The following ZMAT4 variants were observed in gnomAD, a reference collection of about 807,000 sequenced individuals.
ZMAT4 encodes zinc finger matrin-type protein 4.
In ZMAT4, 17 loss-of-function variants were observed where a neutral mutation model predicts 28.7. The ratio of observed to expected loss-of-function variants is 0.59; its 90% CI spans 0.41 to 0.89. ZMAT4 has a LOEUF of 0.89. Ranked by LOEUF, ZMAT4 falls within the 40% of genes least tolerant of loss-of-function variation. ZMAT4 has a pLI of 0.00. For synonymous variants in ZMAT4, 117 were observed against 109.2 expected (o/e 1.07, Z -0.44); for missense variants, 240 against 283.8 (o/e 0.85, Z 1.11).
chr8:40,861,673 G>T (rs973720068), intron 1 of ZMAT4, among the ~76,000 whole-genome samples: 4 of 152,144 alleles, frequency 2.6e-5, no homozygotes, highest in Non-Finnish European at 4.4e-5. Context: ...CTACTCATCT[G>T]ACAAAGAGCT....
At chr8:40,828,575 A>G (rs1379754063) in intron 1 of ZMAT4, among the ~76,000 whole-genome samples, 2 of 152,244 alleles carry the variant, frequency 1.3e-5, no homozygotes, top group Admixed American at 6.5e-5. Flanking sequence ...ATTCAAGGGA[A>G]GAGAAAATAT....
chr8:40,831,255 C>G (rs1235471728), intron 1 of ZMAT4, among the ~76,000 whole-genome samples: 1 of 152,204 alleles, frequency 6.6e-6, no homozygotes, highest in East Asian at 1.9e-4. Flanking sequence ...AGACCCCGTA[C>G]TGCATAAACA....
chr8:40,645,800 G>C (rs1295420672), intron 5 of ZMAT4, among the ~76,000 whole-genome samples: 1 of 151,920 alleles, frequency 6.6e-6, no homozygotes. Context: ...AATTATCTTT[G>C]AATAAACTTA....
At chr8:40,861,991 C>A (rs1232192233) in intron 1 of ZMAT4, among the ~76,000 whole-genome samples, 2 of 152,142 alleles carry the variant, frequency 1.3e-5, no homozygotes, top group Non-Finnish European at 2.9e-5. Context: ...ACTAGTTCAA[C>A]CATTGTGGAA....
At chr8:40,793,943 T>C (rs1207664940) in intron 2 of ZMAT4, among the ~76,000 whole-genome samples, 2 of 152,206 alleles carry the variant, frequency 1.3e-5, no homozygotes, top group East Asian at 1.9e-4. Flanking sequence ...GCAAGCTCCC[T>C]TCTGTGGAAA....
chr8:40,550,110 T>G (rs992428151), intron 6 of ZMAT4, among the ~76,000 whole-genome samples: 5 of 152,092 alleles, frequency 3.3e-5, no homozygotes, highest in African/African-American at 1.2e-4. Context: ...TCAATCAAGG[T>G]TCCAACTCCT....
chr8:40,873,407 T>A (rs1237452277), intron 1 of ZMAT4, among the ~76,000 whole-genome samples: 1 of 152,160 alleles, frequency 6.6e-6, no homozygotes, highest in African/African-American at 2.4e-5. Flanking sequence ...TGTTTCCAAA[T>A]CAACGACAGC....
intron 2 of ZMAT4, among the ~76,000 whole-genome samples, chr8:40,812,418 C>T (rs530641524): frequency 6.6e-6 from 1 of 152,170 alleles, no homozygotes; most frequent in Non-Finnish European, 1.5e-5. Flanking sequence ...AAACGTATCT[C>T]GGCTGAGGGC....
intron 3 of ZMAT4, among the ~76,000 whole-genome samples, chr8:40,735,509 A>AT (rs34332850): frequency 1.3e-5 from 2 of 152,164 alleles, no homozygotes; most frequent in Admixed American, 6.5e-5. Context: ...ACAGTGCCAG[A>AT]TTTTTTTAAA....
intron 2 of ZMAT4, among the ~76,000 whole-genome samples, chr8:40,801,365 T>TATATATATATAC (rs1554559774): frequency 4.2e-5 from 6 of 144,372 alleles, no homozygotes; most frequent in African/African-American, 1.6e-4. Flanking sequence ...TATATATATA[T>TATATATATATAC]ATATATACAT....
intron 3 of ZMAT4, among the ~76,000 whole-genome samples, chr8:40,743,721 C>G (rs909689656): frequency 6.6e-6 from 1 of 152,094 alleles, no homozygotes; most frequent in South Asian, 2.1e-4. Flanking sequence ...AGGGAGCGGC[C>G]GATTCCGGCG....
At chr8:40,766,810 A>ATGT in intron 3 of ZMAT4, among the ~76,000 whole-genome samples, 1 of 152,348 alleles carries the variant, frequency 6.6e-6, no homozygotes, top group South Asian at 2.1e-4. Context: ...ATCATGTATT[A>ATGT]ATTTTTAATG....
intron 3 of ZMAT4, among the ~76,000 whole-genome samples, chr8:40,703,724 G>A (rs1381284105): frequency 6.6e-6 from 1 of 152,160 alleles, no homozygotes; most frequent in African/African-American, 2.4e-5. Context: ...TTTAAAAATA[G>A]GTGAGTTTTG....
intron 1 of ZMAT4, among the ~76,000 whole-genome samples, chr8:40,884,367 C>T (rs965561839): frequency 6.6e-6 from 1 of 152,180 alleles, no homozygotes; most frequent in Non-Finnish European, 1.5e-5. Context: ...GCTACTTTTC[C>T]CATTTTTAAA....
chr8:40,737,798 C>T (rs887859799), intron 3 of ZMAT4, among the ~76,000 whole-genome samples: 10 of 151,080 alleles, frequency 6.6e-5, no homozygotes, highest in Non-Finnish European at 1.0e-4. Flanking sequence ...TTTAATCTGT[C>T]TTATCCTTTG....
At chr8:40,587,796 TTAAA>T (rs1398789556) in intron 5 of ZMAT4, among the ~76,000 whole-genome samples, 2 of 151,950 alleles carry the variant, frequency 1.3e-5, no homozygotes, top group Non-Finnish European at 1.5e-5. Flanking sequence ...TATAAATGAA[TTAAA>T]TAGTCAAAAG....
chr8:40,785,098 T>A (rs1419663559), intron 2 of ZMAT4, among the ~76,000 whole-genome samples: 1 of 152,240 alleles, frequency 6.6e-6, no homozygotes, highest in East Asian at 1.9e-4. Flanking sequence ...AAGCGTTTGC[T>A]GATTCTCACC....
At position 40,665,048 on chromosome 8, in the gene ZMAT4, C is replaced by T. The variant is rs1021230668; in HGVS notation, c.577+9656G>A. ...AGCTCACAGCAGAAATAATTCAAAA[C>T]GTAAAGCCCTAGCCAGGCGTGGTGG... On this transcript the variant is annotated intron_variant, in intron 5 of 6. Coordinates refer to ENST00000297737, the MANE Select transcript of ZMAT4 (RefSeq NM_024645.3). Among the ~76,000 whole-genome samples, 37 of 152,060 alleles carry T rather than the reference C, an allele frequency of 2.4e-4. 1 individual carries two copies. Among genetic ancestry groups the T allele is most frequent in the Non-Finnish European group, 4.6e-4 (31 of 67,994 alleles).
intron 4 of ZMAT4, among the ~76,000 whole-genome samples, chr8:40,679,623 C>T (rs1234994716): frequency 2.0e-5 from 3 of 152,122 alleles, no homozygotes; most frequent in African/African-American, 7.2e-5. Flanking sequence ...GGTAACCACC[C>T]TCATGATTCA....
Sources: gnomAD v4.1 joint callset for allele counts (sites outside exome capture counted in the v4.1 genomes callset) on GRCh38, gnomAD v4.1.1 for gene constraint, MANE v1.5 for transcripts, NCBI Gene and HGNC (gene_info 2026-07-23, HGNC 2026-07-21) for gene names.